Variants in TBXAS1 observed in about 807,000 individuals in gnomAD.
The protein encoded by TBXAS1 is thromboxane-A synthase.
TBXAS1 carries 48 observed loss-of-function variants against 60.7 expected under a neutral mutation model. The ratio of observed to expected loss-of-function variants is 0.79; its 90% CI spans 0.63 to 1.01. The LOEUF (loss-of-function observed/expected upper bound fraction) is 1.01. Ranked by LOEUF, TBXAS1 falls within the 50% of genes least tolerant of loss-of-function variation. The pLI is 0.00. For missense variants in TBXAS1, 685 were observed against 686.3 expected (o/e 1.00, Z 0.02); for synonymous variants, 287 against 269.7 (o/e 1.06, Z -0.63).
At chr7:139,972,069 G>GT (rs1811241271) in intron 9 of TBXAS1, among the ~76,000 whole-genome samples, 4 of 152,126 alleles carry the variant, frequency 2.6e-5, no homozygotes, top group Admixed American at 2.6e-4. Context: ...ACTTGCAGGT[G>GT]TTTTTTTCTG....
intron 4 of TBXAS1, among the ~76,000 whole-genome samples, chr7:139,806,242 G>GTTATTTTATTTTATTTTATTTTATT (rs56308016): frequency 4.9e-4 from 62 of 126,032 alleles, no homozygotes; most frequent in African/African-American, 1.8e-3. Flanking sequence ...CCTGGCCTAT[G>GTTATTTTATTTTATTTTATTTTATT]TTATTTTATT....
intron 3 of TBXAS1, among the ~76,000 whole-genome samples, chr7:139,902,205 A>G (rs1804635691): frequency 6.6e-6 from 1 of 151,832 alleles, no homozygotes; most frequent in Non-Finnish European, 1.5e-5. Flanking sequence ...CACCACAGCC[A>G]AGATAAAGAC....
chr7:139,993,379 T>C (rs1019954567), intron 9 of TBXAS1, among the ~76,000 whole-genome samples: 18 of 152,310 alleles, frequency 1.2e-4, no homozygotes, highest in African/African-American at 3.8e-4. Flanking sequence ...TCTAATTGTA[T>C]TGGGCAAGCC....
At chr7:139,892,817 C>T (rs1803743825) in intron 3 of TBXAS1, among the ~76,000 whole-genome samples, 2 of 152,254 alleles carry the variant, frequency 1.3e-5, no homozygotes, top group Admixed American at 1.3e-4. Context: ...AGCCCCATAC[C>T]TCACCAGCTC....
At chr7:139,840,548 G>A (rs1168217660) in intron 1 of TBXAS1, among the ~76,000 whole-genome samples, 3 of 152,096 alleles carry the variant, frequency 2.0e-5, no homozygotes, top group Non-Finnish European at 4.4e-5. Flanking sequence ...GCATATGGCC[G>A]TGGTGGGTTG....
At chr7:139,801,022 A>G (rs1396296100) in intron 4 of TBXAS1, among the ~76,000 whole-genome samples, 1 of 152,250 alleles carries the variant, frequency 6.6e-6, no homozygotes, top group Admixed American at 6.5e-5. Context: ...TTTCAGAAAC[A>G]GTTTGAGACA....
At chr7:139,809,241 AG>A (rs1429342673) in intron 4 of TBXAS1, among the ~76,000 whole-genome samples, 13 of 48,674 alleles carry the variant, frequency 2.7e-4, no homozygotes, top group Non-Finnish European at 3.5e-4. Flanking sequence ...GATGATAGAT[AG>A]ATAGATAGAT....
intron 9 of TBXAS1, among the ~76,000 whole-genome samples, chr7:139,979,727 C>CAAT (rs58553105): frequency 0.12 from 17,170 of 139,578 alleles, 1,145 homozygotes; most frequent in African/African-American, 0.16. Context: ...GATTCCATCT[C>CAAT]AATAATAATA....
chr7:139,947,002 A>G (rs1385060385), intron 5 of TBXAS1, among the ~76,000 whole-genome samples: 1 of 152,212 alleles, frequency 6.6e-6, no homozygotes, highest in African/African-American at 2.4e-5. Context: ...GGAGAGGAGA[A>G]GAAGACCTTT....
At position 139,809,455 on chromosome 7, in the gene TBXAS1, T is replaced by G. The variant is rs142567034; in HGVS notation, c.-79-19857T>G. On this transcript the variant is annotated intron_variant, in intron 4 of 16. Coordinates refer to the TBXAS1 transcript ENST00000336425. ...GAGTTATAGATATATGAGAAGGGAT[T>G]TATTTGGGGAATTGGCTCACAAACT... Among the ~76,000 whole-genome samples the G allele has an allele frequency of 5.7e-3, 867 of 152,052 alleles. 4 individuals are homozygous for G. Among genetic ancestry groups the G allele is most frequent in the Non-Finnish European group, 8.4e-3 (569 of 67,962 alleles).
intron 10 of TBXAS1, 33 bp from the exon 11 acceptor site, chr7:140,015,690 C>G: frequency 6.2e-7 from 1 of 1,611,352 alleles, no homozygotes; most frequent in Non-Finnish European, 8.5e-7. Context: ...CATCTCTTCT[C>G]TGTATCCACC....
intron 4 of TBXAS1, among the ~76,000 whole-genome samples, chr7:139,920,125 G>T (rs184977496): frequency 6.6e-6 from 1 of 152,242 alleles, no homozygotes; most frequent in Non-Finnish European, 1.5e-5. Flanking sequence ...GCCAGGGAGG[G>T]TCAGAGACTG....
intron 4 of TBXAS1, among the ~76,000 whole-genome samples, chr7:139,820,220 C>T (rs764690043): frequency 5.9e-5 from 9 of 152,090 alleles, no homozygotes; most frequent in African/African-American, 1.4e-4. Flanking sequence ...AGGAGAACTA[C>T]GTCTAGTCAT....
chr7:139,895,027 C>T (rs1010841536), intron 3 of TBXAS1, among the ~76,000 whole-genome samples: 7 of 152,082 alleles, frequency 4.6e-5, no homozygotes, highest in Admixed American at 2.6e-4. Flanking sequence ...ACAGGACACC[C>T]AGAAAGAAAC....
intron 5 of TBXAS1, among the ~76,000 whole-genome samples, chr7:139,950,641 G>A (rs1809133269): frequency 6.6e-6 from 1 of 151,596 alleles, no homozygotes; most frequent in Non-Finnish European, 1.5e-5. Context: ...AGCCATTGCA[G>A]CTTTGATCTA....
At chr7:139,812,387 A>G (rs1235346797) in intron 4 of TBXAS1, among the ~76,000 whole-genome samples, 1 of 152,208 alleles carries the variant, frequency 6.6e-6, no homozygotes, top group African/African-American at 2.4e-5. Context: ...TTTACCCTGA[A>G]CCAAACGTTT....
Position 140,017,726 on chromosome 7 carries a change from G to A in TBXAS1, c.1420G>A (p.Ala474Thr), listed in dbSNP as rs535281830. Reference sequence around the variant, plus strand: ...GCCCTTCACGTACCTGCCCTTCGGGGCCGGCCCACGGAGCTGCCTCGGGGT... The same window carrying A: ...GCCCTTCACGTACCTGCCCTTCGGGACCGGCCCACGGAGCTGCCTCGGGGT... ...HRPFTYLPFG[A>T]GPRSCLGVRL... Residue 474 changes from alanine to threonine, a missense_variant, in exon 12 of 13, where the codon GCC becomes ACC. Coordinates refer to ENST00000448866, the MANE Select transcript of TBXAS1 (RefSeq NM_001061.7). 1.3e-5 allele frequency: 21 copies of A among 1,614,016 alleles called. No individual in the cohort carries two copies. The African/African-American group carries it at 1.9e-4, about 14-fold the overall frequency.
intron 9 of TBXAS1, among the ~76,000 whole-genome samples, chr7:139,970,471 T>C (rs777517596): frequency 3.3e-5 from 5 of 152,252 alleles, no homozygotes; most frequent in Non-Finnish European, 5.9e-5. Flanking sequence ...GCCCACACTA[T>C]GTACAAGGAG....
chr7:140,009,488 G>T (rs981526951), intron 10 of TBXAS1, among the ~76,000 whole-genome samples: 10 of 152,070 alleles, frequency 6.6e-5, no homozygotes, highest in Non-Finnish European at 1.5e-4. Flanking sequence ...AGGGAGGAGC[G>T]CCGGCACTGG....
Sources: gnomAD v4.1 joint callset for allele counts (sites outside exome capture counted in the v4.1 genomes callset) on GRCh38, gnomAD v4.1.1 for gene constraint, MANE v1.5 for transcripts, NCBI Gene and HGNC (gene_info 2026-07-23, HGNC 2026-07-21) for gene names.